Variants in TUT7 observed in about 807,000 individuals in gnomAD.
TUT7 encodes terminal uridylyltransferase 7.
A neutral mutation model predicts 165.9 loss-of-function variants in TUT7; 33 were observed. The ratio of observed to expected loss-of-function variants is 0.20; its 90% confidence interval spans 0.15 to 0.27. The LOEUF is 0.27. Ranked by LOEUF, TUT7 falls within the 10% of genes least tolerant of loss-of-function variation. The pLI, the probability that TUT7 is intolerant of heterozygous loss-of-function variation, is 1.00. For synonymous variants in TUT7, 552 were observed against 608.1 expected (o/e 0.91, Z 1.36); for missense variants, 1,338 against 1,762.3 (o/e 0.76, Z 4.31).
At chr9:86,302,617 CT>C (rs34589090) in intron 25 of TUT7, among the ~76,000 whole-genome samples, 88 of 139,440 alleles carry the variant, frequency 6.3e-4, no homozygotes, top group Middle Eastern at 3.7e-3. Flanking sequence ...TACACCTGGG[CT>C]TTTTTTTTTT....
At chr9:86,346,912 C>A (rs1403328430) in intron 2 of TUT7, among the ~76,000 whole-genome samples, 1 of 152,090 alleles carries the variant, frequency 6.6e-6, no homozygotes, top group African/African-American at 2.4e-5. Flanking sequence ...TTAAAACCAG[C>A]CACATTTGCT....
intron 17 of TUT7, among the ~76,000 whole-genome samples, chr9:86,312,459 C>T (rs1828237270): frequency 6.6e-6 from 1 of 151,790 alleles, no homozygotes; most frequent in South Asian, 2.1e-4. Flanking sequence ...AGCGTCTCCA[C>T]CCGGCAGCCA....
chr9:86,330,580 T>C (rs183618482), intron 10 of TUT7, among the ~76,000 whole-genome samples: 119 of 152,368 alleles, frequency 7.8e-4, no homozygotes, highest in African/African-American at 2.7e-3. Flanking sequence ...TCTGAAGAGC[T>C]GCAGTTTTAG....
chr9:86,303,241 G>A lies in TUT7; in HGVS notation c.3979-40C>T, dbSNP rs145196774. 1.0e-4 allele frequency: 118 copies of A among 1,128,062 alleles called. 1 individual carries two copies. The East Asian group carries it at 2.0e-3, about 19-fold the overall frequency. The allele number at this position is 1,128,062 out of a possible 1,614,324, so 69.9% of individuals were successfully genotyped here. On this transcript the variant is annotated intron_variant, in intron 24 of 26. Transcript: ENST00000375963. ...ATATATAAAAGCCTGAACTATTCACGTGAGATCGGAACACAAAACTAACCA... is the reference window on the plus strand; with the variant it reads ...ATATATAAAAGCCTGAACTATTCACATGAGATCGGAACACAAAACTAACCA...
At chr9:86,341,501 T>G (rs1466013391) in intron 6 of TUT7, among the ~76,000 whole-genome samples, 2 of 152,210 alleles carry the variant, frequency 1.3e-5, no homozygotes, top group Admixed American at 6.5e-5. Context: ...CAACTCTCAA[T>G]GACTTCTTAC....
At chr9:86,324,204 C>T (rs1829582297) in intron 12 of TUT7, among the ~76,000 whole-genome samples, 1 of 152,136 alleles carries the variant, frequency 6.6e-6, no homozygotes. Flanking sequence ...AGAACCAGTA[C>T]CCCTTCTCCC....
At position 86,346,478 on chromosome 9, in the gene TUT7, T is replaced by C; in HGVS notation, c.523A>G (p.Asn175Asp). Residue 175 changes from asparagine to aspartate, a missense_variant and splice_region_variant, in exon 3 of 27, where the codon AAC becomes GAC. Coordinates refer to ENST00000375963, the MANE Select transcript of TUT7 (RefSeq NM_024617.4). Reference protein sequence around the residue: ...TSEMEAGSPENKKQRSRPRKP... With the variant: ...TSEMEAGSPEDKKQRSRPRKP... Reference sequence around the variant, plus strand: ...CTAGGTCTGGACCTCTGCTTCTTGTTTTCTTAAGGTGGGGGAAAAATATTA... The same window carrying C: ...CTAGGTCTGGACCTCTGCTTCTTGTCTTCTTAAGGTGGGGGAAAAATATTA... 6.2e-7 allele frequency: 1 copy of C among 1,610,498 alleles called. No homozygotes were observed. The highest frequency in any genetic ancestry group is 8.5e-7 in the Non-Finnish European group (1 of 1,178,816).
At chr9:86,313,983 A>C (rs1828474107) in intron 17 of TUT7, among the ~76,000 whole-genome samples, 1 of 152,212 alleles carries the variant, frequency 6.6e-6, no homozygotes. Flanking sequence ...AAGGAAGCTC[A>C]CTTTACTGAA....
chr9:86,298,981 G>A (rs1266169389), intron 26 of TUT7, among the ~76,000 whole-genome samples: 1 of 152,170 alleles, frequency 6.6e-6, no homozygotes, highest in Non-Finnish European at 1.5e-5. Flanking sequence ...ATGGGCAGGA[G>A]TTCTGAAACA....
At chr9:86,351,266 T>A (rs1439814356) in intron 2 of TUT7, among the ~76,000 whole-genome samples, 1 of 152,004 alleles carries the variant, frequency 6.6e-6, no homozygotes, top group Non-Finnish European at 1.5e-5. Flanking sequence ...TGAAACCCTG[T>A]CTCTATTAAA....
At chr9:86,291,027 T>C (rs1825861167) in intron 26 of TUT7, among the ~76,000 whole-genome samples, 1 of 152,148 alleles carries the variant, frequency 6.6e-6, no homozygotes, top group South Asian at 2.1e-4. Context: ...TGACCCTAAA[T>C]TATGAACCAA....
intron 10 of TUT7, among the ~76,000 whole-genome samples, chr9:86,332,661 T>C (rs962795467): frequency 1.3e-5 from 2 of 152,166 alleles, no homozygotes; most frequent in East Asian, 1.9e-4. Flanking sequence ...AGTTTACCTA[T>C]ATAATAAGCC....
intron 10 of TUT7, among the ~76,000 whole-genome samples, chr9:86,331,960 T>C (rs2131504167): frequency 6.6e-6 from 1 of 152,328 alleles, no homozygotes; most frequent in African/African-American, 2.4e-5. Flanking sequence ...CAGATGCTTT[T>C]CTGAAGAAGA....
In TUT7 at chr9:86,319,806, A is replaced by AAGGTAGCATTAACAAG. The variant is rs1303265712; in HGVS notation, c.3029-137_3029-136insCTTGTTAATGCTACCT. ...AATTCCTAAATCATTGTGTCTTCTC[A>AAGGTAGCATTAACAAG]GTAGATAGCATTAACAAGGTAAAGT... On this transcript the variant is annotated intron_variant, in intron 14 of 26. Transcript: ENST00000375963. The AAGGTAGCATTAACAAG allele has an allele frequency of 1.3e-4, 84 of 649,962 alleles. No homozygotes were observed. The African/African-American group carries it at 1.5e-3, about 11-fold the overall frequency. 40.3% of individuals were successfully genotyped at this position (649,962 alleles called of 1,614,324 possible).
At chr9:86,346,265 T>C in intron 3 of TUT7, 34 bp downstream of exon 3, 1 of 1,590,012 alleles carries the variant, frequency 6.3e-7, no homozygotes, top group African/African-American at 1.4e-5. Context: ...AAAACCAGGA[T>C]TCTAACCAAC....
Position 86,353,155 on chromosome 9 carries a change from G to C in TUT7, c.45C>G (p.Asp15Glu), listed in dbSNP as rs1244526966. ...AGTCATCATCATCCATAGTCCCCCGGTCTTTAGTGCGCTTCACGAAATAAG... is the reference window on the plus strand; with the variant it reads ...AGTCATCATCATCCATAGTCCCCCGCTCTTTAGTGCGCTTCACGAAATAAG... ...AKPYFVKRTK[D>E]RGTMDDDDFR... Residue 15 changes from aspartate to glutamate, a missense_variant, in exon 2 of 27, where the codon GAC becomes GAG. Coordinates refer to ENST00000375963, the MANE Select transcript of TUT7 (RefSeq NM_024617.4). The C allele has an allele frequency of 6.2e-7, 1 of 1,605,464 alleles. No homozygotes were observed. The highest frequency in any genetic ancestry group is 8.5e-7 in the Non-Finnish European group (1 of 1,177,720).
intron 16 of TUT7, among the ~76,000 whole-genome samples, chr9:86,318,027 A>C (rs1167034162): frequency 6.6e-6 from 1 of 152,216 alleles, no homozygotes; most frequent in Non-Finnish European, 1.5e-5. Context: ...AGGCTAGATC[A>C]CTTTTGACTA....
At chr9:86,293,232 C>G (rs1159914869) in intron 26 of TUT7, among the ~76,000 whole-genome samples, 1 of 152,122 alleles carries the variant, frequency 6.6e-6, no homozygotes, top group Non-Finnish European at 1.5e-5. Context: ...GGAGGATCAT[C>G]TGAGCCCAAG....
intron 16 of TUT7, among the ~76,000 whole-genome samples, chr9:86,317,490 G>A (rs924848737): frequency 2.6e-5 from 4 of 152,136 alleles, no homozygotes; most frequent in Non-Finnish European, 5.9e-5. Context: ...AATTGTTTTT[G>A]GGTGTGCAAC....
Sources: gnomAD v4.1 joint callset for allele counts (sites outside exome capture counted in the v4.1 genomes callset) on GRCh38, gnomAD v4.1.1 for gene constraint, MANE v1.5 for transcripts, NCBI Gene and HGNC (gene_info 2026-07-23, HGNC 2026-07-21) for gene names.